The following SPATA17 variants were observed in gnomAD, a reference collection of about 807,000 sequenced individuals.
SPATA17 encodes spermatogenesis associated 17, also known as spermatogenesis-associated protein 17.
In SPATA17, 53 loss-of-function variants were observed where a neutral mutation model predicts 62.2. That is an observed-to-expected ratio of 0.85 (90% CI 0.68 to 1.07). SPATA17 has a LOEUF of 1.07. SPATA17 is among the 50% of genes least tolerant of loss of function. SPATA17 has a pLI of 0.00. For missense variants in SPATA17, 466 were observed against 425.5 expected, an observed-to-expected ratio of 1.10 and a Z score of -0.84; for synonymous variants, 146 against 146.8, an observed-to-expected ratio of 0.99 and a Z score of 0.04.
At position 217,641,485 on chromosome 1, in the gene SPATA17, C is replaced by T. The variant is rs181598698; in HGVS notation, c.69-7397C>T. 2.4e-4 allele frequency among the ~76,000 whole-genome samples: 37 copies of T among 151,908 alleles called. 1 individual carries two copies. In the East Asian group the frequency reaches 6.8e-3, roughly 28 times the overall value. ...AATCAAGACAAGGATTTTTAAATAG[C>T]TATTTAAAATATGCTTAAGGACTTA... On this transcript the variant is annotated intron_variant, in intron 1 of 10. Coordinates refer to ENST00000366933, the MANE Select transcript of SPATA17 (RefSeq NM_138796.4).
At chr1:217,767,819 ATTCC>A (rs1425807145) in intron 6 of SPATA17, among the ~76,000 whole-genome samples, 1 of 152,136 alleles carries the variant, frequency 6.6e-6, no homozygotes, top group Admixed American at 6.5e-5. Context: ...TAATTACAAC[ATTCC>A]TGCCATATCC....
intron 8 of SPATA17, among the ~76,000 whole-genome samples, chr1:217,786,686 A>G (rs1673871731): frequency 1.3e-5 from 2 of 152,166 alleles, no homozygotes; most frequent in African/African-American, 4.8e-5. Context: ...ACCCATTAGG[A>G]TAAATATTGC....
intron 9 of SPATA17, among the ~76,000 whole-genome samples, chr1:217,805,765 T>A (rs955088278): frequency 1.3e-5 from 2 of 152,174 alleles, no homozygotes; most frequent in Non-Finnish European, 2.9e-5. Flanking sequence ...CATGTTAGAA[T>A]GGCTATTAAC....
At chr1:217,783,474 C>T (rs777459979) in intron 8 of SPATA17, among the ~76,000 whole-genome samples, 17 of 152,060 alleles carry the variant, frequency 1.1e-4, no homozygotes, top group Non-Finnish European at 2.1e-4. Context: ...CTTAACCCAA[C>T]ATATGATGAG....
chr1:217,631,577 A>C, intron 1 of SPATA17, 131 bp downstream of exon 1: 1 of 858,882 alleles, frequency 1.2e-6, no homozygotes, highest in Non-Finnish European at 1.9e-6. Context: ...TCTTCCCTTA[A>C]TGGGCTGCAA....
intron 5 of SPATA17, among the ~76,000 whole-genome samples, chr1:217,710,046 G>T (rs1413733973): frequency 6.6e-6 from 1 of 152,148 alleles, no homozygotes; most frequent in Non-Finnish European, 1.5e-5. Context: ...CATTTGAATT[G>T]TGTAGGATAC....
At position 217,852,587 on chromosome 1, in the gene SPATA17, G is replaced by T. The variant is rs1675690773; in HGVS notation, c.1006-10187G>T. Among the ~76,000 whole-genome samples, 4 of 152,138 alleles carry T rather than the reference G, an allele frequency of 2.6e-5. No individual in the cohort carries two copies. The South Asian group carries it at 8.3e-4, about 32-fold the overall frequency. On this transcript the variant is annotated intron_variant, in intron 9 of 10. Coordinates refer to ENST00000366933, the MANE Select transcript of SPATA17 (RefSeq NM_138796.4). ...TTCTCTTGCCACCAACAGAGAAAAG[G>T]CACGCTGTTTCATTGCTTGATGCTG...
chr1:217,757,913 A>G (rs1347749516), intron 6 of SPATA17, among the ~76,000 whole-genome samples: 1 of 152,120 alleles, frequency 6.6e-6, no homozygotes, highest in African/African-American at 2.4e-5. Flanking sequence ...TGTTAAAGTA[A>G]TTAATGTTTG....
intron 3 of SPATA17, among the ~76,000 whole-genome samples, chr1:217,652,405 T>C (rs903987505): frequency 2.6e-5 from 4 of 152,040 alleles, no homozygotes; most frequent in Non-Finnish European, 4.4e-5. Flanking sequence ...CTAATTTTTT[T>C]GTGTTTTTAG....
intron 5 of SPATA17, among the ~76,000 whole-genome samples, chr1:217,687,903 C>G (rs1434269412): frequency 6.6e-6 from 1 of 152,178 alleles, no homozygotes; most frequent in East Asian, 1.9e-4. Context: ...CCATTTAACT[C>G]TTTCTAACTT....
intron 8 of SPATA17, among the ~76,000 whole-genome samples, chr1:217,782,751 G>A (rs1673760949): frequency 6.6e-6 from 1 of 152,024 alleles, no homozygotes; most frequent in Non-Finnish European, 1.5e-5. Flanking sequence ...AATGAAAGAA[G>A]TTAGCTTCTT....
intron 5 of SPATA17, among the ~76,000 whole-genome samples, chr1:217,724,535 C>A: frequency 6.6e-6 from 1 of 152,090 alleles, no homozygotes; most frequent in East Asian, 1.9e-4. Flanking sequence ...TTGCAGTGAG[C>A]TGAGATTGTG....
intron 1 of SPATA17, among the ~76,000 whole-genome samples, chr1:217,636,635 G>A (rs1669948671): frequency 6.6e-6 from 1 of 152,036 alleles, no homozygotes; most frequent in Admixed American, 6.6e-5. Flanking sequence ...TGTTGGTCAG[G>A]CTGGTCTTGA....
At chr1:217,664,417 G>C (rs1432565005) in intron 3 of SPATA17, among the ~76,000 whole-genome samples, 1 of 150,320 alleles carries the variant, frequency 6.7e-6, no homozygotes, top group Non-Finnish European at 1.5e-5. Context: ...AGCCTCCTGA[G>C]TAGCTGGGAT....
rs71560537 is a variant in SPATA17 at position 217,795,362 on chromosome 1, C to CTTTT, written c.873-6335_873-6332dup. Among the ~76,000 whole-genome samples the CTTTT allele has an allele frequency of 1.5e-3, 107 of 69,532 alleles. 4 individuals carry two copies. Among genetic ancestry groups the CTTTT allele is most frequent in the Non-Finnish European group, 2.0e-3 (74 of 37,734 alleles). The allele number at this position is 69,532 out of a possible 152,430, so 45.6% of individuals were successfully genotyped here. On this transcript the variant is annotated intron_variant, in intron 8 of 10. Coordinates refer to ENST00000366933, the MANE Select transcript of SPATA17 (RefSeq NM_138796.4). ...CAGTGAGCAAGACAGACAAAAGTCT[C>CTTTT]TTTTTTTTTTTTTTTTTTTTTTTTC...
chr1:217,724,233 A>G (rs1672204406), intron 5 of SPATA17, among the ~76,000 whole-genome samples: 1 of 152,208 alleles, frequency 6.6e-6, no homozygotes, highest in African/African-American at 2.4e-5. Context: ...ATTTGCATTT[A>G]TACTGTTATC....
chr1:217,678,071 G>A (rs995106420), intron 4 of SPATA17, among the ~76,000 whole-genome samples: 16 of 151,868 alleles, frequency 1.1e-4, no homozygotes, highest in African/African-American at 3.6e-4. Flanking sequence ...TTAGAATGTT[G>A]ATCATTCTAA....
At chr1:217,820,095 C>G (rs12732964) in intron 9 of SPATA17, among the ~76,000 whole-genome samples, 43,496 of 151,796 alleles carry the variant, frequency 0.29, 7,604 homozygotes, top group Non-Finnish European at 0.38. Flanking sequence ...GGAACATGAG[C>G]TTTCCAATTT....
At chr1:217,821,197 A>T (rs1006339336) in intron 9 of SPATA17, among the ~76,000 whole-genome samples, 2 of 152,048 alleles carry the variant, frequency 1.3e-5, no homozygotes, top group Non-Finnish European at 2.9e-5. Context: ...TTCAACATGA[A>T]ATTTTGTGGA....
Sources: gnomAD v4.1 joint callset for allele counts (sites outside exome capture counted in the v4.1 genomes callset) on GRCh38, gnomAD v4.1.1 for gene constraint, MANE v1.5 for transcripts, NCBI Gene and HGNC (gene_info 2026-07-23, HGNC 2026-07-21) for gene names.